Variants in EDNRA observed in about 807,000 individuals in gnomAD.
EDNRA encodes the protein endothelin receptor type A.
A neutral mutation model predicts 41.4 loss-of-function variants in EDNRA; 11 were observed. The observed-to-expected ratio is 0.27, with a 90% CI of 0.17 to 0.44. The LOEUF is 0.44. Among genes scored for constraint, EDNRA ranks in the 20% least tolerant of loss-of-function variants. The pLI is 1.00. For missense variants in EDNRA, 294 were observed against 531.0 expected (o/e 0.55, Z 4.39); for synonymous variants, 172 against 183.0 (o/e 0.94, Z 0.49).
At position 147,542,524 on chromosome 4, in the gene EDNRA, C is replaced by T. The variant is rs775518063; in HGVS notation, c.1190C>T (p.Ser397Leu). Reference sequence around the variant, plus strand: ...TACCAGTCCAAAAGTCTGATGACCTCGGTCCCCATGAACGGAACAAGCATC... The same window carrying T: ...TACCAGTCCAAAAGTCTGATGACCTTGGTCCCCATGAACGGAACAAGCATC... ...CCYQSKSLMT[S>L]VPMNGTSIQW... The change falls in exon 8 of 8, where the codon TCG (serine) becomes TTG (leucine). Residue 397 changes from serine to leucine, a missense_variant. Ser to Leu is a moderately radical substitution (Grantham distance 145, BLOSUM62 -2). Around this residue, in one of 3 missense-constraint regions of EDNRA, gnomAD observed 185 missense variants for 390.8 expected, o/e 0.47. Coordinates refer to ENST00000651419, the MANE Select transcript of EDNRA (RefSeq NM_001957.4). 53 of 1,613,986 alleles carry T rather than the reference C, an allele frequency of 3.3e-5. No homozygotes were observed. Among genetic ancestry groups the T allele is most frequent in the Middle Eastern group, 1.6e-4 (1 of 6,084 alleles).
chr4:147,542,107 G>A (rs982867063), intron 7 of EDNRA, among the ~76,000 whole-genome samples: 1 of 152,086 alleles, frequency 6.6e-6, no homozygotes, highest in Non-Finnish European at 1.5e-5. Flanking sequence ...ATCTGATAAG[G>A]TACCTGGTGC....
chr4:147,498,202 T>G (rs751157236), intron 2 of EDNRA, among the ~76,000 whole-genome samples: 4 of 152,246 alleles, frequency 2.6e-5, no homozygotes, highest in Non-Finnish European at 4.4e-5. Context: ...GTCTGAGCAC[T>G]GCATTTTTGC....
At position 147,536,207 on chromosome 4, in the gene EDNRA, G is replaced by A. The variant is rs10305917; in HGVS notation, c.900+178G>A. On this transcript the variant is annotated intron_variant, in intron 5 of 7. Transcript: ENST00000651419. ...ATTTCTTTTGTAAAATGGGAAACCT[G>A]CTTGTAAAACAAGTGGTCCTGAAGG... Among the ~76,000 whole-genome samples, 2,985 of 152,176 alleles carry A rather than the reference G, an allele frequency of 0.02. 47 individuals are homozygous for A. The highest frequency in any genetic ancestry group is 0.03 in the Non-Finnish European group (2,009 of 67,996).
At position 147,542,802 on chromosome 4, in the gene EDNRA, CGTACT is replaced by C. The variant is rs1731155625; in HGVS notation, c.*185_*189del. 1 of 655,020 alleles carries C rather than the reference CGTACT, an allele frequency of 1.5e-6. No homozygotes were observed. Among genetic ancestry groups the C allele is most frequent in the African/African-American group, 1.8e-5 (1 of 54,850 alleles). The allele number at this position is 655,020 out of a possible 1,614,324, so 40.6% of individuals were successfully genotyped here. On this transcript the variant is annotated 3_prime_UTR_variant, in exon 8 of 8. Transcript: ENST00000651419. ...TTATCCACCCACAACATCTACGAAT[CGTACT>C]TCTTTAATTGATCTAATTTACATAT... is the stretch of plus-strand genomic sequence containing the variant.
At chr4:147,526,404 T>C (rs1730549802) in intron 3 of EDNRA, among the ~76,000 whole-genome samples, 1 of 152,162 alleles carries the variant, frequency 6.6e-6, no homozygotes, top group African/African-American at 2.4e-5. Context: ...CTCACATGCC[T>C]GGCACCTTGG....
intron 2 of EDNRA, among the ~76,000 whole-genome samples, chr4:147,507,517 G>T (rs1028972615): frequency 1.3e-5 from 2 of 152,168 alleles, no homozygotes; most frequent in Non-Finnish European, 2.9e-5. Flanking sequence ...CAGATTAATG[G>T]TTGCCAGGGG....
Position 147,485,792 on chromosome 4 carries a change from C to G in EDNRA, c.111C>G (p.Phe37Leu). Residue 37 changes from phenylalanine to leucine, a missense_variant, in exon 2 of 8, where the codon TTC becomes TTG. Transcript: ENST00000651419. ...ATCTAAGCAATCATGTGGATGATTT[C>G]ACCACTTTTCGTGGCACAGAGCTCA... is the stretch of plus-strand genomic sequence containing the variant. ...STNLSNHVDD[F>L]TTFRGTELSF... is the part of the protein sequence containing the mutation. 6.2e-7 allele frequency: 1 copy of G among 1,614,248 alleles called. No individual in the cohort carries two copies. The highest frequency in any genetic ancestry group is 1.1e-5 in the South Asian group (1 of 91,084).
chr4:147,534,460 A>G (rs1229993552), intron 4 of EDNRA, among the ~76,000 whole-genome samples: 3 of 152,186 alleles, frequency 2.0e-5, no homozygotes, highest in Non-Finnish European at 2.9e-5. Flanking sequence ...AAAAGAAACA[A>G]CATGTTTATT....
At chr4:147,502,316 A>G (rs962241409) in intron 2 of EDNRA, among the ~76,000 whole-genome samples, 3 of 152,324 alleles carry the variant, frequency 2.0e-5, no homozygotes, top group Admixed American at 6.5e-5. Flanking sequence ...GATTCTATAC[A>G]CTAAATTATT....
At chr4:147,485,028 G>A (rs1313633952) in intron 1 of EDNRA, among the ~76,000 whole-genome samples, 1 of 152,076 alleles carries the variant, frequency 6.6e-6, no homozygotes, top group Non-Finnish European at 1.5e-5. Context: ...TTTTACATTC[G>A]ATAATTTTAT....
intron 2 of EDNRA, among the ~76,000 whole-genome samples, chr4:147,513,771 A>G (rs1730003343): frequency 6.6e-6 from 1 of 152,210 alleles, no homozygotes; most frequent in Non-Finnish European, 1.5e-5. Flanking sequence ...CTGTATTTGT[A>G]AATCCCTCAT....
At chr4:147,505,646 G>GATT (rs1729682290) in intron 2 of EDNRA, among the ~76,000 whole-genome samples, 1 of 105,234 alleles carries the variant, frequency 9.5e-6, no homozygotes, top group Admixed American at 1.0e-4. Context: ...CCCGCCGGCA[G>GATT]TTTTTTTTTT....
At chr4:147,491,704 G>A (rs1054174046) in intron 2 of EDNRA, 1 of 152,144 alleles carries the variant, frequency 6.6e-6, no homozygotes, top group African/African-American at 2.4e-5. Flanking sequence ...TTCCGTATGT[G>A]ATAAGCATAT....
At chr4:147,541,933 T>A (rs1731116944) in intron 7 of EDNRA, among the ~76,000 whole-genome samples, 1 of 152,210 alleles carries the variant, frequency 6.6e-6, no homozygotes, top group Admixed American at 6.5e-5. Flanking sequence ...TTTTGATGAA[T>A]CTTCCTAAAA....
intron 4 of EDNRA, among the ~76,000 whole-genome samples, chr4:147,534,437 T>C (rs1730852770): frequency 6.6e-6 from 1 of 152,230 alleles, no homozygotes; most frequent in South Asian, 2.1e-4. Context: ...CAGGGATCTG[T>C]GAACTTGGTT....
intron 5 of EDNRA, among the ~76,000 whole-genome samples, chr4:147,537,407 G>A (rs1730953069): frequency 6.6e-6 from 1 of 152,092 alleles, no homozygotes; most frequent in East Asian, 1.9e-4. Context: ...TACTCCAATT[G>A]CTTAATATGT....
intron 2 of EDNRA, among the ~76,000 whole-genome samples, chr4:147,503,393 C>G (rs1578786977): frequency 1.3e-5 from 2 of 152,096 alleles, no homozygotes; most frequent in African/African-American, 2.4e-5. Flanking sequence ...GCAGAGCTCC[C>G]AGGACAAGCA....
intron 3 of EDNRA, 106 bp downstream of exon 3, chr4:147,520,084 C>A: frequency 7.2e-7 from 1 of 1,388,400 alleles, no homozygotes. Flanking sequence ...TGTTGATTAG[C>A]TTCAAGTGAA....
In EDNRA at chr4:147,485,745, A is replaced by C. The variant is rs1011657202; in HGVS notation, c.64A>C (p.Asn22His). 1.2e-6 allele frequency: 2 copies of C among 1,614,158 alleles called. No individual in the cohort carries two copies. Among genetic ancestry groups the C allele is most frequent in the Non-Finnish European group, 1.7e-6 (2 of 1,179,994 alleles). The change falls in exon 2 of 8, where the codon AAT (asparagine) becomes CAT (histidine). Residue 22 changes from asparagine (N) to histidine (H), a missense_variant. This residue lies in a region of EDNRA where 90 missense variants were observed against 122.8 expected (regional missense o/e 0.73). Transcript: ENST00000651419. ...LALVGCVISD[N>H]PERYSTNLSN... ...ACTGGTTGGATGTGTAATCAGTGATAATCCTGAGAGATACAGCACAAATCT... is the reference window on the plus strand; with the variant it reads ...ACTGGTTGGATGTGTAATCAGTGATCATCCTGAGAGATACAGCACAAATCT...
Sources: allele counts gnomAD v4.1 joint callset (sites outside exome capture counted in the v4.1 genomes callset), GRCh38; gene constraint gnomAD v4.1.1; regional missense constraint gnomAD v4.1.1; transcripts MANE v1.5; gene names NCBI Gene and HGNC (gene_info 2026-07-23, HGNC 2026-07-21).